Variants in GRIK2 observed in about 807,000 individuals in gnomAD.
GRIK2 encodes glutamate ionotropic receptor kainate type subunit 2, also known as glutamate receptor ionotropic, kainate 2.
Under a neutral mutation model 100.3 loss-of-function variants are expected in GRIK2, and 32 were observed. The ratio of observed to expected loss-of-function variants is 0.32; its 90% CI spans 0.24 to 0.43. GRIK2 has a LOEUF of 0.43. Ranked by LOEUF, GRIK2 falls within the 20% of genes least tolerant of loss-of-function variation. GRIK2 has a pLI of 1.00. For synonymous variants in GRIK2, 417 were observed against 389.4 expected, an observed-to-expected ratio of 1.07 and a Z score of -0.83; for missense variants, 843 against 1,114.9, an observed-to-expected ratio of 0.76 and a Z score of 3.47.
chr6:102,006,390 A>ATTTTTTTTTTTTT (rs34620995), intron 14 of GRIK2, among the ~76,000 whole-genome samples: 6 of 114,102 alleles, frequency 5.3e-5, no homozygotes, highest in African/African-American at 2.7e-4. Context: ...ATATATATAT[A>ATTTTTTTTTTTTT]TTTTTTTTTT....
At chr6:101,987,812 C>G (rs2128491206) in intron 14 of GRIK2, among the ~76,000 whole-genome samples, 2 of 151,454 alleles carry the variant, frequency 1.3e-5, no homozygotes, top group South Asian at 4.2e-4. Flanking sequence ...TAACTTTTCT[C>G]TGTTTCTAAC....
At chr6:101,853,004 T>C (rs1478205750) in intron 10 of GRIK2, among the ~76,000 whole-genome samples, 1 of 152,208 alleles carries the variant, frequency 6.6e-6, no homozygotes, top group African/African-American at 2.4e-5. Context: ...AGATCCTAAC[T>C]GTTCTTTTAC....
intron 15 of GRIK2, among the ~76,000 whole-genome samples, chr6:102,051,147 T>G (rs1461163466): frequency 1.3e-5 from 2 of 152,124 alleles, no homozygotes; most frequent in Non-Finnish European, 2.9e-5. Context: ...CCTCTATACC[T>G]CCTTTGAGGG....
intron 2 of GRIK2, among the ~76,000 whole-genome samples, chr6:101,493,821 A>T (rs1291449446): frequency 1.3e-5 from 2 of 150,710 alleles, no homozygotes; most frequent in Non-Finnish European, 3.0e-5. Context: ...ACCAAATATA[A>T]AATGGGTGGT....
chr6:101,463,089 C>A (rs945785616), intron 2 of GRIK2, among the ~76,000 whole-genome samples: 1 of 152,144 alleles, frequency 6.6e-6, no homozygotes, highest in Non-Finnish European at 1.5e-5. Flanking sequence ...GACAAATCAT[C>A]TATCAAAGTG....
intron 15 of GRIK2, among the ~76,000 whole-genome samples, chr6:102,047,339 C>T (rs1442754825): frequency 6.6e-6 from 1 of 151,908 alleles, no homozygotes; most frequent in Non-Finnish European, 1.5e-5. Context: ...GACTCAAAAT[C>T]AGAAAGAAAA....
chr6:101,429,389 T>G (rs2128242404), intron 2 of GRIK2, among the ~76,000 whole-genome samples: 1 of 152,340 alleles, frequency 6.6e-6, no homozygotes, highest in South Asian at 2.1e-4. Flanking sequence ...TAACTACATA[T>G]GCACTGTCCT....
intron 14 of GRIK2, among the ~76,000 whole-genome samples, chr6:101,943,786 T>G (rs1791103261): frequency 6.6e-6 from 1 of 152,200 alleles, no homozygotes. Flanking sequence ...GTTTTTGATT[T>G]TACAGGCTCA....
chr6:101,485,002 C>T (rs893568311), intron 2 of GRIK2, among the ~76,000 whole-genome samples: 1 of 152,168 alleles, frequency 6.6e-6, no homozygotes, highest in Admixed American at 6.6e-5. Flanking sequence ...AATTGAAACA[C>T]ATTTCTCCTA....
rs1315072297 is a variant in GRIK2 at position 101,676,791 on chromosome 6, G to A, written c.710G>A (p.Gly237Asp). Reference sequence around the variant, plus strand: ...GATTGTAGCCATGAAATGGCAGCAGGCATTTTAAAACAGGTAACCTTTAAA... The same window carrying A: ...GATTGTAGCCATGAAATGGCAGCAGACATTTTAAAACAGGTAACCTTTAAA... ...IFDCSHEMAA[G>D]ILKQALAMGM... The change falls in exon 5 of 17, where the codon GGC becomes GAC. Residue 237 changes from glycine to aspartate, a missense_variant. Gly to Asp is a moderately conservative substitution (Grantham distance 94). Around this residue, in one of 3 missense-constraint regions of GRIK2, gnomAD observed 519 missense variants for 643.8 expected, o/e 0.81. Coordinates refer to ENST00000369134, the MANE Select transcript of GRIK2 (RefSeq NM_021956.5). The A allele has an allele frequency of 6.3e-7, 1 of 1,597,770 alleles. No homozygotes were observed. The highest frequency in any genetic ancestry group is 1.1e-5 in the South Asian group (1 of 88,380).
chr6:101,694,533 G>A (rs1772341318), intron 7 of GRIK2, among the ~76,000 whole-genome samples: 1 of 151,962 alleles, frequency 6.6e-6, no homozygotes, highest in African/African-American at 2.4e-5. Flanking sequence ...AGAAGAGAGA[G>A]TAAGAGATGG....
chr6:101,477,188 C>T (rs1238485893), intron 2 of GRIK2, among the ~76,000 whole-genome samples: 2 of 152,000 alleles, frequency 1.3e-5, no homozygotes, highest in African/African-American at 2.4e-5. Flanking sequence ...TTAAAAGATA[C>T]CTCAAGACAT....
intron 2 of GRIK2, among the ~76,000 whole-genome samples, chr6:101,483,338 TTAAA>T (rs1358515048): frequency 6.6e-6 from 1 of 152,178 alleles, no homozygotes; most frequent in Admixed American, 6.6e-5. Context: ...AGAACATTGA[TTAAA>T]TAAGCAATAA....
chr6:101,922,090 T>A (rs368211302), intron 12 of GRIK2, among the ~76,000 whole-genome samples: 453 of 18,526 alleles, frequency 0.024, 13 homozygotes, highest in Middle Eastern at 0.031. Flanking sequence ...CTTCCTTCCT[T>A]CCTTCCTTCC....
chr6:101,692,034 C>A (rs1165648143), intron 7 of GRIK2, among the ~76,000 whole-genome samples: 1 of 63,094 alleles, frequency 1.6e-5, no homozygotes, highest in Admixed American at 2.3e-4. Context: ...CGTAACACCC[C>A]GTCTCAAAAA....
At chr6:101,549,253 G>A (rs1425036968) in intron 2 of GRIK2, among the ~76,000 whole-genome samples, 4 of 147,426 alleles carry the variant, frequency 2.7e-5, no homozygotes, top group African/African-American at 1.0e-4. Context: ...ATCAAATAAA[G>A]GAGGGTTAGT....
intron 7 of GRIK2, among the ~76,000 whole-genome samples, chr6:101,778,307 G>C (rs1274789772): frequency 6.6e-6 from 1 of 152,098 alleles, no homozygotes; most frequent in East Asian, 1.9e-4. Flanking sequence ...CATCTTCCAA[G>C]AAAAATGGTG....
Position 101,626,574 on chromosome 6 carries a change from A to G in GRIK2, c.478A>G (p.Ile160Val). The change falls in exon 4 of 17, where the codon ATT (isoleucine) becomes GTT (valine). Residue 160 changes from isoleucine (I) to valine (V), a missense_variant. Ile to Val is a conservative substitution (Grantham distance 29, BLOSUM62 3). Around this residue, in one of 3 missense-constraint regions of GRIK2, gnomAD observed 519 missense variants for 643.8 expected, o/e 0.81. Transcript: ENST00000369134. The stretch of plus-strand genomic sequence containing the variant: ...AGACTTCTCTTCACTCAGCCGTGCC[A>G]TTTTAGACCTGGTGCAGTTTTTCAA... ...YPDFSSLSRA[I>V]LDLVQFFKWK... 6.2e-7 allele frequency: 1 copy of G among 1,613,894 alleles called. No homozygotes were observed. The highest frequency in any genetic ancestry group is 8.5e-7 in the Non-Finnish European group (1 of 1,179,840).
At chr6:102,042,502 C>A (rs989281919) in intron 15 of GRIK2, among the ~76,000 whole-genome samples, 2 of 151,404 alleles carry the variant, frequency 1.3e-5, no homozygotes, top group African/African-American at 4.8e-5. Context: ...TTAGTGAGAC[C>A]AAAGCAGACA....
Sources: gnomAD v4.1 joint callset for allele counts (sites outside exome capture counted in the v4.1 genomes callset) on GRCh38, gnomAD v4.1.1 for gene constraint, gnomAD v4.1.1 regional missense constraint, MANE v1.5 for transcripts, NCBI Gene and HGNC (gene_info 2026-07-23, HGNC 2026-07-21) for gene names.